NAALADL2: variants seen among roughly 807,000 people sequenced by gnomAD.
NAALADL2 encodes the protein N-acetylated alpha-linked acidic dipeptidase like 2, also known as inactive N-acetylated-alpha-linked acidic dipeptidase-like protein 2.
Under a neutral mutation model 87.2 loss-of-function variants are expected in NAALADL2, and 76 were observed. That is an observed-to-expected ratio of 0.87 (90% CI 0.72 to 1.05). The LOEUF (loss-of-function observed/expected upper bound fraction) is 1.05, where lower values mean the gene tolerates loss of function less well. NAALADL2 is among the 50% of genes least tolerant of loss of function. The pLI is 0.00. For missense variants in NAALADL2, 1,089 were observed against 945.8 expected, an observed-to-expected ratio of 1.15 and a Z score of -1.99; for synonymous variants, 354 against 331.0, an observed-to-expected ratio of 1.07 and a Z score of -0.75.
At chr3:175,134,563 C>T (rs67783687) in intron 2 of NAALADL2, among the ~76,000 whole-genome samples, 53,126 of 151,892 alleles carry the variant, frequency 0.35, 9,714 homozygotes, top group South Asian at 0.45. Context: ...CTAAATATTA[C>T]TTTTTTCTCA....
chr3:174,677,273 A>G (rs947839857), intron 2 of NAALADL2, among the ~76,000 whole-genome samples: 3 of 151,920 alleles, frequency 2.0e-5, no homozygotes, highest in African/African-American at 4.8e-5. Flanking sequence ...TTGGACTTTA[A>G]CATCATATTT....
intron 12 of NAALADL2, among the ~76,000 whole-genome samples, chr3:175,744,836 T>C (rs1745704679): frequency 6.6e-6 from 1 of 152,162 alleles, no homozygotes; most frequent in Non-Finnish European, 1.5e-5. Context: ...TAAACAGAAT[T>C]CTTGTACTGT....
intron 1 of NAALADL2, among the ~76,000 whole-genome samples, chr3:174,530,168 C>T (rs1010399661): frequency 1.3e-5 from 2 of 152,144 alleles, no homozygotes; most frequent in African/African-American, 4.8e-5. Flanking sequence ...GAAATTTCTT[C>T]TACCAGATAC....
At chr3:174,442,609 T>C (rs1340477789) in intron 1 of NAALADL2, among the ~76,000 whole-genome samples, 1 of 152,200 alleles carries the variant, frequency 6.6e-6, no homozygotes, top group Non-Finnish European at 1.5e-5. Flanking sequence ...TACTTATTAG[T>C]CAACAATTGT....
At chr3:174,593,024 A>G (rs1717541405) in intron 2 of NAALADL2, among the ~76,000 whole-genome samples, 1 of 152,084 alleles carries the variant, frequency 6.6e-6, no homozygotes, top group African/African-American at 2.4e-5. Flanking sequence ...CCTAAATCCA[A>G]CTAACCAATC....
chr3:175,498,437 T>C (rs145344557), intron 9 of NAALADL2, among the ~76,000 whole-genome samples: 1 of 152,042 alleles, frequency 6.6e-6, no homozygotes, highest in Non-Finnish European at 1.5e-5. Context: ...TGAAAGATTA[T>C]TGAAAGTATG....
At chr3:175,463,736 G>GAGAGACAGAGAGAGA (rs1560592659) in intron 7 of NAALADL2, among the ~76,000 whole-genome samples, 1 of 145,122 alleles carries the variant, frequency 6.9e-6, no homozygotes, top group Non-Finnish European at 1.5e-5. Flanking sequence ...GAGAGAGAGA[G>GAGAGACAGAGAGAGA]GTGGGGATCT....
Position 174,683,571 on chromosome 3 carries a change from T to G in NAALADL2, c.-114-54070T>G, listed in dbSNP as rs77442686. Among the ~76,000 whole-genome samples the G allele has an allele frequency of 7.9e-5, 12 of 152,026 alleles. No individual in the cohort carries two copies. In the East Asian group the frequency reaches 2.3e-3, roughly 29 times the overall value. On this transcript the variant is annotated intron_variant, in intron 2 of 3. Coordinates refer to the NAALADL2 transcript ENST00000434257. ...CACTAATATAGTTGTTATAGATAGA[T>G]AGATAATATAGATAAGCAGATTTTA... is the stretch of plus-strand genomic sequence containing the variant.
intron 2 of NAALADL2, among the ~76,000 whole-genome samples, chr3:174,733,007 A>G (rs1310380803): frequency 6.6e-6 from 1 of 152,212 alleles, no homozygotes; most frequent in Non-Finnish European, 1.5e-5. Flanking sequence ...ATATGAGAAT[A>G]TACCATTTAA....
chr3:174,517,316 C>G (rs1719994546), intron 1 of NAALADL2, among the ~76,000 whole-genome samples: 1 of 152,006 alleles, frequency 6.6e-6, no homozygotes. Flanking sequence ...TATGTATTTT[C>G]ATCTTTAATT....
At chr3:175,077,731 G>A (rs1716886466) in intron 1 of NAALADL2, among the ~76,000 whole-genome samples, 3 of 151,956 alleles carry the variant, frequency 2.0e-5, no homozygotes. Context: ...AATTGCTTGT[G>A]GTTCTGATAT....
At chr3:175,515,426 T>C (rs1214880818) in intron 9 of NAALADL2, among the ~76,000 whole-genome samples, 1 of 152,188 alleles carries the variant, frequency 6.6e-6, no homozygotes, top group African/African-American at 2.4e-5. Context: ...GTTTTGATGA[T>C]GAATCTTATG....
intron 5 of NAALADL2, among the ~76,000 whole-genome samples, chr3:175,356,821 C>A (rs1764431439): frequency 6.6e-6 from 1 of 151,910 alleles, no homozygotes. Context: ...AGACCTGTAA[C>A]AGGTGTAAGT....
intron 1 of NAALADL2, among the ~76,000 whole-genome samples, chr3:174,886,254 G>A (rs1374408179): frequency 6.6e-6 from 1 of 152,056 alleles, no homozygotes; most frequent in Non-Finnish European, 1.5e-5. Context: ...TCCAGTGTTT[G>A]AGGGCAGGAA....
intron 3 of NAALADL2, among the ~76,000 whole-genome samples, chr3:174,775,768 G>A (rs1217098862): frequency 6.6e-6 from 1 of 152,070 alleles, no homozygotes; most frequent in Non-Finnish European, 1.5e-5. Flanking sequence ...TGTTGGCCAG[G>A]ACTTGCCCTG....
rs1271917270 is a variant in NAALADL2, at chr3:175,423,213, CT to C, written c.1091-24006del. Among the ~76,000 whole-genome samples, 1,116 of 124,834 alleles carry C rather than the reference CT, an allele frequency of 8.9e-3. 17 individuals carry two copies. Among genetic ancestry groups the C allele is most frequent in the African/African-American group, 0.031 (1,045 of 33,378 alleles). The allele number at this position is 124,834 out of a possible 152,430, so 81.9% of individuals were successfully genotyped here. A position where few individuals can be genotyped will look rare whatever the true frequency, so the allele number is the denominator to read the frequency against. On this transcript the variant is annotated intron_variant, in intron 5 of 13. Coordinates refer to ENST00000454872, the MANE Select transcript of NAALADL2 (RefSeq NM_207015.3). ...TTTGCACAAAGAAGAATTTATTTTT[CT>C]TTTTTTTTTCTTTTTTTTTTTTCGG...
intron 5 of NAALADL2, among the ~76,000 whole-genome samples, chr3:175,333,278 T>C (rs1761612981): frequency 6.6e-6 from 1 of 152,180 alleles, no homozygotes. Context: ...AGTGCTCAGA[T>C]ACCATCAAAG....
chr3:175,324,456 G>T, intron 5 of NAALADL2, 131 bp downstream of exon 5: 4 of 711,916 alleles, frequency 5.6e-6, no homozygotes, highest in East Asian at 3.1e-5. Context: ...ATTTTAAAAA[G>T]CAATTTATTT....
At chr3:175,388,332 T>C (rs1768651334) in intron 5 of NAALADL2, among the ~76,000 whole-genome samples, 1 of 152,144 alleles carries the variant, frequency 6.6e-6, no homozygotes, top group Non-Finnish European at 1.5e-5. Flanking sequence ...GTCTCAAATA[T>C]ATCTCCTGTC....
Sources: gnomAD v4.1 joint callset for allele counts (sites outside exome capture counted in the v4.1 genomes callset) on GRCh38, gnomAD v4.1.1 for gene constraint, MANE v1.5 for transcripts, NCBI Gene and HGNC (gene_info 2026-07-23, HGNC 2026-07-21) for gene names.